MBNL1: variants seen among roughly 807,000 people sequenced by gnomAD.
The protein encoded by MBNL1 is muscleblind like splicing regulator 1.
In MBNL1, 8 loss-of-function variants were observed where a neutral mutation model predicts 42.2. The observed-to-expected ratio is 0.19, with a 90% CI of 0.11 to 0.34. MBNL1 has a LOEUF of 0.34. Among genes scored for constraint, MBNL1 ranks in the 10% least tolerant of loss-of-function variants. The pLI, the probability that MBNL1 is intolerant of heterozygous loss-of-function variation, is 1.00. For synonymous variants in MBNL1, 169 were observed against 173.9 expected (o/e 0.97, Z 0.22); for missense variants, 309 against 495.3 (o/e 0.62, Z 3.57).
chr3:152,449,370 C>A (rs1182647535), intron 6 of MBNL1: 1 of 152,174 alleles, frequency 6.6e-6, no homozygotes, highest in African/African-American at 2.4e-5. Flanking sequence ...CACTGCTGCA[C>A]TTGACTAGTC....
chr3:152,256,391 G>A (rs951140699), intron 2 of MBNL1, among the ~76,000 whole-genome samples: 2 of 152,126 alleles, frequency 1.3e-5, no homozygotes, highest in African/African-American at 4.8e-5. Context: ...CATGGATGAA[G>A]CAGAAAAGAC....
chr3:152,419,064 AAGT>A (rs1560517845), intron 3 of MBNL1, among the ~76,000 whole-genome samples: 1 of 152,160 alleles, frequency 6.6e-6, no homozygotes, highest in Non-Finnish European at 1.5e-5. Flanking sequence ...ATGAGAAAAT[AAGT>A]AGTAGAAAAT....
At chr3:152,303,555 A>G (rs2061627652) in intron 2 of MBNL1, among the ~76,000 whole-genome samples, 1 of 152,158 alleles carries the variant, frequency 6.6e-6, no homozygotes, top group Non-Finnish European at 1.5e-5. Context: ...GGAAAAAAGA[A>G]AAGAAAAATA....
chr3:152,395,517 T>C (rs1453383801), intron 2 of MBNL1, among the ~76,000 whole-genome samples: 2 of 152,210 alleles, frequency 1.3e-5, no homozygotes, highest in Non-Finnish European at 2.9e-5. Context: ...CTGTTTTGTC[T>C]TGGATTTTTA....
intron 2 of MBNL1, among the ~76,000 whole-genome samples, chr3:152,344,527 G>A (rs1415624060): frequency 6.6e-6 from 1 of 152,114 alleles, no homozygotes; most frequent in Non-Finnish European, 1.5e-5. Context: ...CTTAAACTGA[G>A]AGTAAAACTC....
At chr3:152,342,982 G>A (rs1162147203) in intron 2 of MBNL1, among the ~76,000 whole-genome samples, 1 of 152,126 alleles carries the variant, frequency 6.6e-6, no homozygotes, top group African/African-American at 2.4e-5. Flanking sequence ...TCATAAACAT[G>A]TAAAGTCTTA....
At chr3:152,421,966 T>TAA (rs535802755) in intron 3 of MBNL1, among the ~76,000 whole-genome samples, 5 of 145,992 alleles carry the variant, frequency 3.4e-5, no homozygotes, top group African/African-American at 1.3e-4. Context: ...TACCGACCAC[T>TAA]AAAAAAAAAA....
chr3:152,250,416 T>C (rs1454030873), intron 2 of MBNL1, among the ~76,000 whole-genome samples: 1 of 151,674 alleles, frequency 6.6e-6, no homozygotes, highest in Non-Finnish European at 1.5e-5. Context: ...TTTGGCTCTC[T>C]GTTTGTCTGT....
intron 2 of MBNL1, among the ~76,000 whole-genome samples, chr3:152,341,751 G>T (rs2093284970): frequency 6.6e-6 from 1 of 152,160 alleles, no homozygotes; most frequent in Non-Finnish European, 1.5e-5. Context: ...GCATATCCAT[G>T]TAGAAAATAA....
At chr3:152,306,402 A>G (rs1358276572) in intron 2 of MBNL1, among the ~76,000 whole-genome samples, 1 of 152,070 alleles carries the variant, frequency 6.6e-6, no homozygotes, top group African/African-American at 2.4e-5. Context: ...CAACTTTAGG[A>G]TTATTTCAAA....
chr3:152,447,818 A>G, intron 6 of MBNL1, 45 bp downstream of exon 6: 1 of 1,584,830 alleles, frequency 6.3e-7, no homozygotes, highest in Non-Finnish European at 8.6e-7. Flanking sequence ...TGATCTACAG[A>G]GAGTCCTACT....
intron 2 of MBNL1, among the ~76,000 whole-genome samples, chr3:152,345,703 C>T (rs1285850342): frequency 6.6e-6 from 1 of 152,054 alleles, no homozygotes; most frequent in Admixed American, 6.6e-5. Context: ...AGTAGAACTG[C>T]AAAGGTACAG....
intron 2 of MBNL1, among the ~76,000 whole-genome samples, chr3:152,346,949 TG>T: frequency 6.7e-6 from 1 of 149,306 alleles, no homozygotes; most frequent in Non-Finnish European, 1.5e-5. Flanking sequence ...GAGGCTGCAG[TG>T]GGAGGATCGC....
chr3:152,439,867 A>C (rs904835599), intron 4 of MBNL1, among the ~76,000 whole-genome samples: 2 of 152,106 alleles, frequency 1.3e-5, no homozygotes, highest in Non-Finnish European at 2.9e-5. Context: ...TAATAATAAT[A>C]ATAATAACAT....
At chr3:152,396,626 C>T (rs1372022811) in intron 2 of MBNL1, among the ~76,000 whole-genome samples, 1 of 152,158 alleles carries the variant, frequency 6.6e-6, no homozygotes, top group African/African-American at 2.4e-5. Flanking sequence ...TTTCACAGCG[C>T]ACTTCATATT....
At chr3:152,420,224 G>T (rs2098780890) in intron 3 of MBNL1, among the ~76,000 whole-genome samples, 1 of 152,230 alleles carries the variant, frequency 6.6e-6, no homozygotes, top group South Asian at 2.1e-4. Context: ...CAGCTCTGAA[G>T]AGAGCAGCAG....
chr3:152,342,555 C>CACACACACACAA lies in MBNL1; in HGVS notation c.174+42199_174+42200insAACACACACACA, dbSNP rs533820361. On this transcript the variant is annotated intron_variant, in intron 2 of 9. Transcript: ENST00000324210. ...TGTCTTACTGGGAAACTAAACAAAA[C>CACACACACACAA]ACACACACACACACACACACACACA... is the stretch of plus-strand genomic sequence containing the variant. Among the ~76,000 whole-genome samples, 348 of 108,732 alleles carry CACACACACACAA rather than the reference C, an allele frequency of 3.2e-3. 2 individuals are homozygous for CACACACACACAA. Among genetic ancestry groups the CACACACACACAA allele is most frequent in the African/African-American group, 0.01 (329 of 32,382 alleles). The allele number at this position is 108,732 out of a possible 152,430, so 71.3% of individuals were successfully genotyped here. A position where few individuals can be genotyped will look rare whatever the true frequency, so the allele number is the denominator to read the frequency against.
rs1165328490 is a variant in MBNL1 at position 152,445,274 on chromosome 3, C to T, written c.550-8C>T. On this transcript the variant is annotated splice_polypyrimidine_tract_variant and splice_region_variant and intron_variant, in intron 4 of 9. Transcript: ENST00000324210. ...TGACTAAACCTCATGTACTTAATGA[C>T]CTCATAGGTATGTCGAGAGTACCAA... The T allele has an allele frequency of 6.2e-7, 1 of 1,611,550 alleles. No homozygotes were observed. Among genetic ancestry groups the T allele is most frequent in the Non-Finnish European group, 8.5e-7 (1 of 1,178,300 alleles).
At chr3:152,284,491 C>A (rs571966188) in intron 1 of MBNL1, among the ~76,000 whole-genome samples, 7 of 152,108 alleles carry the variant, frequency 4.6e-5, no homozygotes, top group African/African-American at 1.7e-4. Context: ...TCAGTGCTTT[C>A]TTTCTGACAG....
Sources: allele counts gnomAD v4.1 joint callset (sites outside exome capture counted in the v4.1 genomes callset), GRCh38; gene constraint gnomAD v4.1.1; transcripts MANE v1.5; gene names NCBI Gene and HGNC (gene_info 2026-07-23, HGNC 2026-07-21).